BLTP3A: variants seen among roughly 807,000 people sequenced by gnomAD.
The protein encoded by BLTP3A is bridge-like lipid transfer protein family member 3A.
chr6:34,833,487 T>C, the BLTP3A span, among the ~76,000 whole-genome samples: 1 of 152,112 alleles, frequency 6.6e-6, no homozygotes, highest in Non-Finnish European at 1.5e-5. Context: ...CTCTTTTCTG[T>C]AGTTATACTT....
the BLTP3A span, among the ~76,000 whole-genome samples, chr6:34,794,913 T>G: frequency 6.6e-6 from 1 of 151,686 alleles, no homozygotes; most frequent in South Asian, 2.1e-4. Flanking sequence ...GCCTCCTGAG[T>G]AGCTGGGACT....
the BLTP3A span, among the ~76,000 whole-genome samples, chr6:34,826,384 A>C: frequency 6.7e-6 from 1 of 148,196 alleles, no homozygotes; most frequent in Non-Finnish European, 1.5e-5. Flanking sequence ...TTTGAGACAA[A>C]GTTTTGCTTT....
At chr6:34,829,389 A>G in the BLTP3A span, among the ~76,000 whole-genome samples, 1 of 152,218 alleles carries the variant, frequency 6.6e-6, no homozygotes, top group African/African-American at 2.4e-5. Context: ...TAATGTTTTC[A>G]AGGTTCAGGC....
chr6:34,865,704 C>A, the BLTP3A span, among the ~76,000 whole-genome samples: 49 of 152,284 alleles, frequency 3.2e-4, no homozygotes, highest in African/African-American at 1.0e-3. Context: ...TATCTTTAAT[C>A]TTTTTGAGAA....
chr6:34,848,950 ATT>A, the BLTP3A span, among the ~76,000 whole-genome samples: 6,237 of 86,808 alleles, frequency 0.072, 172 homozygotes, highest in Middle Eastern at 0.1. Context: ...AATTTCTTGC[ATT>A]TTTTTTTTTT....
the BLTP3A span, among the ~76,000 whole-genome samples, chr6:34,812,627 C>G: frequency 6.6e-6 from 1 of 151,790 alleles, no homozygotes; most frequent in African/African-American, 2.4e-5. Context: ...CTGCATCCAG[C>G]TAATTAATTT....
At chr6:34,821,292 C>T in the BLTP3A span, among the ~76,000 whole-genome samples, 12 of 152,282 alleles carry the variant, frequency 7.9e-5, no homozygotes, top group Non-Finnish European at 1.5e-5. Context: ...TCAGAAATAC[C>T]GAAAGACTAC....
At chr6:34,838,973 G>A in the BLTP3A span, among the ~76,000 whole-genome samples, 9 of 152,286 alleles carry the variant, frequency 5.9e-5, no homozygotes, top group African/African-American at 1.7e-4. Flanking sequence ...AAGGAAGGCC[G>A]GGCATGGTGG....
At chr6:34,852,445 A>G in the BLTP3A span, among the ~76,000 whole-genome samples, 1 of 152,056 alleles carries the variant, frequency 6.6e-6, no homozygotes, top group Non-Finnish European at 1.5e-5. Flanking sequence ...AGAGGCCTAC[A>G]ATGGGGGCCT....
chr6:34,866,979 A>G, the BLTP3A span, among the ~76,000 whole-genome samples: 4 of 152,168 alleles, frequency 2.6e-5, no homozygotes, highest in African/African-American at 9.7e-5. Context: ...CCTTGCATCC[A>G]TGGAAGGACA....
At chr6:34,821,566 T>G in the BLTP3A span, 2 of 1,302,882 alleles carry the variant, frequency 1.5e-6, no homozygotes, top group Non-Finnish European at 2.1e-6. Context: ...ATTTTTTCTT[T>G]TCTCTAGATT....
chr6:34,840,890 G>A, the BLTP3A span, among the ~76,000 whole-genome samples: 2 of 152,208 alleles, frequency 1.3e-5, no homozygotes, highest in African/African-American at 4.8e-5. Context: ...GGGATTATAG[G>A]CGTGAGCCAC....
At chr6:34,833,269 A>G in the BLTP3A span, among the ~76,000 whole-genome samples, 15 of 152,148 alleles carry the variant, frequency 9.9e-5, no homozygotes, top group Non-Finnish European at 1.9e-4. Context: ...AGGAGATGGT[A>G]CTGGGGGCTC....
At chr6:34,801,894 C>T in the BLTP3A span, among the ~76,000 whole-genome samples, 2 of 152,026 alleles carry the variant, frequency 1.3e-5, no homozygotes, top group South Asian at 4.1e-4. Flanking sequence ...CCCGCCGCCA[C>T]ACCTGGCTAG....
At chr6:34,857,360 C>T in the BLTP3A span, 4 of 1,611,992 alleles carry the variant, frequency 2.5e-6, no homozygotes, top group Non-Finnish European at 2.5e-6. Flanking sequence ...AGTAAAAAGC[C>T]ATCTACACTC....
the BLTP3A span, chr6:34,821,640 T>G: frequency 6.3e-7 from 1 of 1,598,654 alleles, no homozygotes; most frequent in Non-Finnish European, 8.5e-7. Context: ...CTTCTTATCA[T>G]TACTCTTTTC....
the BLTP3A span, among the ~76,000 whole-genome samples, chr6:34,861,039 T>G: frequency 6.6e-6 from 1 of 152,334 alleles, no homozygotes; most frequent in East Asian, 1.9e-4. Flanking sequence ...AGGAGTCTTC[T>G]TTTTCCTTGG....
At chr6:34,823,176 G>A in the BLTP3A span, 1 of 1,212,418 alleles carries the variant, frequency 8.2e-7, no homozygotes, top group South Asian at 1.2e-5. Flanking sequence ...GGAGCACGGA[G>A]ATGAATGACA....
the BLTP3A span, among the ~76,000 whole-genome samples, chr6:34,807,827 G>A: frequency 2.6e-5 from 4 of 152,132 alleles, no homozygotes; most frequent in Non-Finnish European, 5.9e-5. Flanking sequence ...ATCATTTGAG[G>A]TCAGGAGTTC....
Sources: allele counts gnomAD v4.1 joint callset (sites outside exome capture counted in the v4.1 genomes callset), GRCh38; gene constraint gnomAD v4.1.1; transcripts MANE v1.5; gene names NCBI Gene and HGNC (gene_info 2026-07-23, HGNC 2026-07-21).